Variants in MUC22 observed in about 807,000 individuals in gnomAD.
The protein encoded by MUC22 is mucin 22, also known as mucin-22.
Under a neutral mutation model 40.3 loss-of-function variants are expected in MUC22, and 24 were observed. The ratio of observed to expected loss-of-function variants is 0.60; its 90% CI spans 0.43 to 0.84. MUC22 has a LOEUF of 0.84. MUC22 is among the 40% of genes least tolerant of loss of function. The pLI is 0.00. For missense variants in MUC22, 1,926 were observed against 2,130.7 expected (o/e 0.90, Z 1.89); for synonymous variants, 765 against 844.5 (o/e 0.91, Z 1.63).
At chr6:31,025,567 G>A in exon 2 of MUC22, 6 of 1,526,040 alleles carry the variant, frequency 3.9e-6, no homozygotes, top group Non-Finnish European at 5.3e-6. Context: ...CACAGGCTCT[G>A]AGACCACCAT....
chr6:31,006,230 A>C (rs1180086928), upstream of MUC22: 1 of 284,568 alleles, frequency 3.5e-6, no homozygotes. Flanking sequence ...GGGGGCTATA[A>C]ATTGAACACA....
exon 2 of MUC22, chr6:31,026,041 G>A: frequency 6.5e-7 from 1 of 1,530,204 alleles, no homozygotes; most frequent in Non-Finnish European, 8.7e-7. Context: ...TGCAAGCTCT[G>A]AGGCCACTAA....
In MUC22 at chr6:31,011,191, A is replaced by T. The variant is rs1763846130; in HGVS notation, c.70+415A>T. On this transcript the variant is annotated intron_variant, in intron 1 of 3. Transcript: ENST00000561890. This position sits in a 1 kb window ranked among gnomAD's most constrained non-coding sequence, Gnocchi z 4.5. Reference sequence around the variant, plus strand: ...GTCTAAAGTCAAGTAAAAATCCTTCAATCCTTCTTTGTTTTTTTTCCATAG... The same window carrying T: ...GTCTAAAGTCAAGTAAAAATCCTTCTATCCTTCTTTGTTTTTTTTCCATAG... 7.3e-6 allele frequency among the ~76,000 whole-genome samples: 1 copy of T among 137,064 alleles called. No individual in the cohort carries two copies. The highest frequency in any genetic ancestry group is 2.1e-4 in the East Asian group (1 of 4,666). The allele number at this position is 137,064 out of a possible 152,430, so 89.9% of individuals were successfully genotyped here. A position where few individuals can be genotyped will look rare whatever the true frequency, so the allele number is the denominator to read the frequency against.
intron 1 of MUC22, among the ~76,000 whole-genome samples, chr6:31,019,707 A>G (rs57426248): frequency 0.12 from 18,172 of 152,184 alleles, 1,258 homozygotes; most frequent in African/African-American, 0.17. Flanking sequence ...TACAAAAATT[A>G]GCTGGGTGTG....
At chr6:31,010,408 A>G, upstream of MUC22, 1 of 354,096 alleles carries the variant, frequency 2.8e-6, no homozygotes, top group Non-Finnish European at 5.2e-6. Flanking sequence ...CTGGGGAGGG[A>G]GGACCCAAAG....
Position 31,025,684 on chromosome 6 carries a change from G to T in MUC22, c.253G>T (p.Ala85Ser), listed in dbSNP as rs754448117. 2.0e-6 allele frequency: 3 copies of T among 1,532,144 alleles called. No homozygotes were observed. In the South Asian group the frequency reaches 3.6e-5, roughly 18 times the overall value. 94.9% of individuals were successfully genotyped at this position (1,532,144 alleles called of 1,614,324 possible). ...CTCAGCCTCCACCATGGCTTCTACT[G>T]CAGCCTTCACCACAGGCTCTGAGAC... is the stretch of plus-strand genomic sequence containing the variant. The change falls in exon 2 of 4, where the codon GCA becomes TCA. Residue 85 changes from alanine (A) to serine (S), a missense_variant. By Grantham distance (99) the Ala-to-Ser change is moderately conservative. Transcript: ENST00000561890.
chr6:31,029,732 AG>A lies in MUC22; in HGVS notation c.4302del (p.Thr1435ProfsTer57), dbSNP rs1191160410. 6.5e-7 allele frequency: 1 copy of A among 1,530,338 alleles called. No individual in the cohort carries two copies. The highest frequency in any genetic ancestry group is 2.5e-5 in the East Asian group (1 of 40,764). The allele number at this position is 1,530,338 out of a possible 1,614,324, so 94.8% of individuals were successfully genotyped here. A position where few individuals can be genotyped will look rare whatever the true frequency, so the allele number is the denominator to read the frequency against. Reference sequence around the variant, plus strand: ...ACCACCACCTCTACTGAAGGCTCTGAGACCACCACAGCCTCCACTGCAGGCT... The same window carrying A: ...ACCACCACCTCTACTGAAGGCTCTGAACCACCACAGCCTCCACTGCAGGCT... On this transcript the variant is annotated frameshift_variant, in exon 2 of 4. Coordinates refer to ENST00000561890, the Ensembl canonical transcript of MUC22. LOFTEE classifies it high-confidence loss of function.
At chr6:31,034,871 G>A in exon 4 of MUC22, 2 of 1,535,556 alleles carry the variant, frequency 1.3e-6, no homozygotes, top group Non-Finnish European at 8.7e-7. Context: ...CATGGACTGA[G>A]CCACATCCAT....
rs200469166 is a variant in MUC22 at position 31,034,726 on chromosome 6, A to G, written c.5110A>G (p.Ser1704Gly). 260 of 1,535,566 alleles carry G rather than the reference A, an allele frequency of 1.7e-4. No individual in the cohort carries two copies. In the East Asian group the frequency reaches 4.7e-3, roughly 28 times the overall value. Residue 1704 changes from serine to glycine, a missense_variant, in exon 4 of 4, where the codon AGC becomes GGC. Coordinates refer to ENST00000561890, the Ensembl canonical transcript of MUC22. ...TGGTATTTATTACCCCCATGGCCAC[A>G]GCCACAGCCTTGGTCTGGACCTGAA...
chr6:31,030,794 C>G (rs1004743387), intron 2 of MUC22, among the ~76,000 whole-genome samples: 10 of 152,224 alleles, frequency 6.6e-5, no homozygotes, highest in African/African-American at 2.2e-4. Flanking sequence ...TGTATTGACT[C>G]TAGACCAGAG....
rs560104446 is a variant in MUC22 at position 31,033,272 on chromosome 6, GAAGA to G, written c.5055+706_5055+709del. Among the ~76,000 whole-genome samples the G allele has an allele frequency of 7.7e-4, 110 of 143,502 alleles. 1 individual carries two copies. The highest frequency in any genetic ancestry group is 1.6e-3 in the African/African-American group (63 of 38,758). The allele number at this position is 143,502 out of a possible 152,430, so 94.1% of individuals were successfully genotyped here. On this transcript the variant is annotated intron_variant, in intron 3 of 3. Coordinates refer to ENST00000561890, the Ensembl canonical transcript of MUC22. Reference sequence around the variant, plus strand: ...AAGAAAGCAAGAAAGAGAAAGAAAGGAAGAAAGAAAGAAAGAAACTGAGAGAGAA... The same window carrying G: ...AAGAAAGCAAGAAAGAGAAAGAAAGGAAGAAAGAAAGAAACTGAGAGAGAA...
exon 2 of MUC22, chr6:31,029,572 A>G (rs1389457446): frequency 1.3e-6 from 2 of 1,526,220 alleles, no homozygotes; most frequent in African/African-American, 1.4e-5. Context: ...AGTTTCTACC[A>G]CTAGCTCTGA....
rs145198408 is a variant in MUC22 at position 31,013,459 on chromosome 6, C to T, written c.70+2683C>T. Among the ~76,000 whole-genome samples, 422 of 152,238 alleles carry T rather than the reference C, an allele frequency of 2.8e-3. 5 individuals carry two copies. The highest frequency in any genetic ancestry group is 9.7e-3 in the African/African-American group (405 of 41,550). On this transcript the variant is annotated intron_variant, in intron 1 of 3. Coordinates refer to ENST00000561890, the Ensembl canonical transcript of MUC22. ...CCCATTCTTGAAGGACTTCCCCACA[C>T]TTGCTATGTCACTTCTCACCTCCCA...
chr6:31,023,512 T>C (rs899400485), intron 1 of MUC22, among the ~76,000 whole-genome samples: 3 of 152,148 alleles, frequency 2.0e-5, no homozygotes, highest in African/African-American at 7.2e-5. Context: ...GCCACTGCAT[T>C]ATAGCCTGAG....
chr6:31,021,587 A>G (rs1187257726), intron 1 of MUC22, among the ~76,000 whole-genome samples: 14 of 115,266 alleles, frequency 1.2e-4, no homozygotes, highest in East Asian at 7.5e-4. Flanking sequence ...GTTTAGCTCA[A>G]AGTTTGTGAG....
chr6:31,012,102 T>A (rs1376508158), intron 1 of MUC22, among the ~76,000 whole-genome samples: 1 of 152,210 alleles, frequency 6.6e-6, no homozygotes, highest in Admixed American at 6.5e-5. Context: ...TACATCAACA[T>A]ATCTTCCCTA....
chr6:31,027,141 T>C lies in MUC22; in HGVS notation c.1710T>C (p.Thr570=). 6 of 1,497,796 alleles carry C rather than the reference T, an allele frequency of 4.0e-6. 2 individuals carry two copies. The highest frequency in any genetic ancestry group is 5.3e-6 in the Non-Finnish European group (6 of 1,123,326). The allele number at this position is 1,497,796 out of a possible 1,614,324, so 92.8% of individuals were successfully genotyped here. Residue 570 remains threonine, a synonymous_variant, in exon 2 of 4, where the codon ACT becomes ACC. Transcript: ENST00000561890. ...GCCCTGAGACCACCAAGGTCTCCAC[T>C]GCAAGCTCTGAGGTGACCACAGTCT...
intron 1 of MUC22, 113 bp downstream of exon 1, chr6:31,010,889 TC>T (rs1392733100): frequency 1.1e-5 from 6 of 560,682 alleles, no homozygotes; most frequent in East Asian, 2.8e-5. Context: ...CAATGATGAT[TC>T]ATTTTTTTTT....
chr6:31,026,006 G>C lies in MUC22; in HGVS notation c.575G>C (p.Gly192Ala), dbSNP rs746344509. The C allele has an allele frequency of 1.6e-5, 24 of 1,531,206 alleles. No homozygotes were observed. The South Asian group carries it at 2.4e-4, about 15-fold the overall frequency. 94.9% of individuals were successfully genotyped at this position (1,531,206 alleles called of 1,614,324 possible). ...GAGACTGCCACAGTCTCTACCACAG[G>C]CTCTGAGACCACCACCACCTCCACT... Residue 192 changes from glycine to alanine, a missense_variant, in exon 2 of 4, where the codon GGC becomes GCC. Gly to Ala is a moderately conservative substitution (Grantham distance 60). This residue lies in a region of MUC22 where 1,281 missense variants were observed against 1,337.8 expected (regional missense o/e 0.96). Coordinates refer to ENST00000561890, the Ensembl canonical transcript of MUC22.
Sources: gnomAD v4.1 joint callset for allele counts (sites outside exome capture counted in the v4.1 genomes callset) on GRCh38, gnomAD v4.1.1 for gene constraint, gnomAD v4.1.1 regional missense constraint, Gnocchi (gnomAD v3.1) non-coding constraint, MANE v1.5 for transcripts, NCBI Gene and HGNC (gene_info 2026-07-23, HGNC 2026-07-21) for gene names.